The following LIPA variants were observed in gnomAD, a reference collection of about 807,000 sequenced individuals.
LIPA encodes the protein lipase A, lysosomal acid type, also known as lysosomal acid lipase/cholesteryl ester hydrolase.
Under a neutral mutation model 40.6 loss-of-function variants are expected in LIPA, and 26 were observed. The ratio of observed to expected loss-of-function variants is 0.64; its 90% CI spans 0.47 to 0.89. The LOEUF is 0.89. LIPA is among the 40% of genes least tolerant of loss of function. LIPA has a pLI of 0.00. For missense variants in LIPA, 455 were observed against 479.6 expected (o/e 0.95, Z 0.48); for synonymous variants, 188 against 168.4 (o/e 1.12, Z -0.90).
chr10:89,358,338 A>T (rs186061352), intron 2 of LIPA, among the ~76,000 whole-genome samples: 1 of 152,234 alleles, frequency 6.6e-6, no homozygotes, highest in African/African-American at 2.4e-5. Context: ...TGTTGGTGGG[A>T]ATGTAAATTA....
intron 2 of LIPA, chr10:89,392,568 C>A: frequency 1.7e-6 from 1 of 605,150 alleles, no homozygotes; most frequent in Non-Finnish European, 2.8e-6. Context: ...CCACAGCTTA[C>A]ACCATTGGCT....
intron 1 of LIPA, chr10:89,284,632 C>T (rs1379148218): frequency 2.0e-5 from 3 of 151,666 alleles, no homozygotes; most frequent in Non-Finnish European, 4.4e-5. Flanking sequence ...CAAGTATAAG[C>T]GAAAAAAAAT....
intron 1 of LIPA, among the ~76,000 whole-genome samples, chr10:89,295,565 T>C (rs919289102): frequency 6.6e-6 from 1 of 152,178 alleles, no homozygotes; most frequent in African/African-American, 2.4e-5. Flanking sequence ...GCCTAAGAAT[T>C]TGCACTTCCA....
rs950816927 is a variant in LIPA at position 89,216,349 on chromosome 10, A to G, written c.895-340T>C. ...AAATTTGCATCCTAAGCTTTTTCAA[A>G]GAGTTAGTCATTTTACTTGGGAAAT... On this transcript the variant is annotated intron_variant, in intron 8 of 9. Coordinates refer to ENST00000336233, the MANE Select transcript of LIPA (RefSeq NM_000235.4). 6.1e-4 allele frequency among the ~76,000 whole-genome samples: 92 copies of G among 151,674 alleles called. 1 individual carries two copies. The highest frequency in any genetic ancestry group is 1.1e-3 in the Non-Finnish European group (76 of 67,962).
At position 89,249,353 on chromosome 10, in the gene LIPA, G is replaced by C. The variant is rs148718389; in HGVS notation, c.-1-1704C>G. 2.1e-3 allele frequency among the ~76,000 whole-genome samples: 325 copies of C among 152,224 alleles called. 2 individuals carry two copies. The highest frequency in any genetic ancestry group is 7.5e-3 in the African/African-American group (313 of 41,536). On this transcript the variant is annotated intron_variant, in intron 1 of 9. Transcript: ENST00000336233. Reference sequence around the variant, plus strand: ...TCCTAAGATCACGCAAGTGGTCAGAGAAAAACCTAGGACTAGATCCCAGAA... The same window carrying C: ...TCCTAAGATCACGCAAGTGGTCAGACAAAAACCTAGGACTAGATCCCAGAA...
intron 1 of LIPA, chr10:89,277,870 CT>C (rs925096562): frequency 6.6e-5 from 10 of 152,042 alleles, no homozygotes; most frequent in African/African-American, 2.2e-4. Context: ...AAACAAACCC[CT>C]CCCCACTCTT....
At chr10:89,255,270 T>C (rs898015794), upstream of LIPA, among the ~76,000 whole-genome samples, 2 of 152,212 alleles carry the variant, frequency 1.3e-5, no homozygotes, top group African/African-American at 4.8e-5. Flanking sequence ...CTCACAATCA[T>C]GGCAGAAGGC....
intron 1 of LIPA, among the ~76,000 whole-genome samples, chr10:89,299,720 TATC>T (rs1843434506): frequency 6.6e-6 from 1 of 151,804 alleles, no homozygotes; most frequent in African/African-American, 2.4e-5. Flanking sequence ...CACAATGAGA[TATC>T]ATCTCACCCC....
intron 2 of LIPA, among the ~76,000 whole-genome samples, chr10:89,385,463 C>A (rs1844203956): frequency 1.3e-5 from 2 of 152,174 alleles, no homozygotes; most frequent in South Asian, 4.1e-4. Flanking sequence ...CAATAAGAAT[C>A]ATTTTCCTTA....
At chr10:89,352,788 TAAAAAAAA>T (rs34514402) in intron 2 of LIPA, among the ~76,000 whole-genome samples, 1 of 113,144 alleles carries the variant, frequency 8.8e-6, no homozygotes, top group African/African-American at 3.2e-5. Flanking sequence ...ACTACAAAGA[TAAAAAAAA>T]AAAAAAAAAA....
intron 8 of LIPA, among the ~76,000 whole-genome samples, chr10:89,217,501 T>C (rs1211338864): frequency 6.6e-6 from 1 of 152,218 alleles, no homozygotes; most frequent in African/African-American, 2.4e-5. Flanking sequence ...GTTCATCACT[T>C]TGTCACATGT....
chr10:89,224,277 T>C (rs1158182238), intron 6 of LIPA, among the ~76,000 whole-genome samples: 1 of 152,186 alleles, frequency 6.6e-6, no homozygotes, highest in Non-Finnish European at 1.5e-5. Flanking sequence ...AGCCCATCGC[T>C]TGCTTTTTTA....
At chr10:89,339,845 A>C (rs1334324611) in intron 1 of LIPA, 2 of 1,614,218 alleles carry the variant, frequency 1.2e-6, no homozygotes, top group Non-Finnish European at 1.7e-6. Context: ...GACAAGGAAG[A>C]GATCAAAGAC....
upstream of LIPA, chr10:89,252,193 A>C (rs1843135931): frequency 6.6e-6 from 1 of 152,252 alleles, no homozygotes; most frequent in Non-Finnish European, 1.5e-5. Flanking sequence ...CTCCATTTAA[A>C]GCGCTTATCA....
At chr10:89,339,889 C>A (rs199859461) in intron 1 of LIPA, 1 of 1,614,130 alleles carries the variant, frequency 6.2e-7, no homozygotes, top group Non-Finnish European at 8.5e-7. Flanking sequence ...TCTGCTTCCA[C>A]AAAATGCACC....
intron 2 of LIPA, among the ~76,000 whole-genome samples, chr10:89,361,572 G>T (rs371261317): frequency 6.6e-6 from 1 of 152,114 alleles, no homozygotes; most frequent in Non-Finnish European, 1.5e-5. Flanking sequence ...GTGTCATATA[G>T]CATTGAGGAG....
intron 1 of LIPA, among the ~76,000 whole-genome samples, chr10:89,301,664 T>C (rs1220313433): frequency 6.6e-6 from 1 of 152,250 alleles, no homozygotes; most frequent in Non-Finnish European, 1.5e-5. Flanking sequence ...GAAGTGGGGT[T>C]TGCTATTCTG....
At chr10:89,339,960 CAAATGTTAT>C (rs1564793868) in intron 1 of LIPA, 1 of 1,614,136 alleles carries the variant, frequency 6.2e-7, no homozygotes, top group Non-Finnish European at 8.5e-7. Context: ...TGCAAGCAGC[CAAATGTTAT>C]GAGAAGGAAC....
At chr10:89,365,850 G>A (rs1564800561) in intron 2 of LIPA, among the ~76,000 whole-genome samples, 1 of 152,200 alleles carries the variant, frequency 6.6e-6, no homozygotes, top group Non-Finnish European at 1.5e-5. Flanking sequence ...TTTGGTTACT[G>A]TAGCCTTGTA....
Sources: allele counts gnomAD v4.1 joint callset (sites outside exome capture counted in the v4.1 genomes callset), GRCh38; gene constraint gnomAD v4.1.1; transcripts MANE v1.5; gene names NCBI Gene and HGNC (gene_info 2026-07-23, HGNC 2026-07-21).